ATP8B4: variants seen among roughly 807,000 people sequenced by gnomAD.
ATP8B4 encodes the protein ATPase phospholipid transporting 8B4 (putative).
ATP8B4 carries 133 observed loss-of-function variants against 145.6 expected under a neutral mutation model. The ratio of observed to expected loss-of-function variants is 0.91; its 90% CI spans 0.79 to 1.05. The LOEUF (loss-of-function observed/expected upper bound fraction) is 1.05. Among genes scored for constraint, ATP8B4 ranks in the 50% least tolerant of loss-of-function variants. ATP8B4 has a pLI of 0.00. For missense variants in ATP8B4, 1,458 were observed against 1,425.2 expected, an observed-to-expected ratio of 1.02 and a Z score of -0.37; for synonymous variants, 507 against 492.9, an observed-to-expected ratio of 1.03 and a Z score of -0.38.
chr15:50,162,478 T>C (rs1410061096), intron 1 of ATP8B4, among the ~76,000 whole-genome samples: 2 of 151,886 alleles, frequency 1.3e-5, no homozygotes, highest in Non-Finnish European at 2.9e-5. Context: ...GAGGCTATTT[T>C]CTATATCTTA....
At chr15:50,025,296 T>C (rs1019349472) in intron 6 of ATP8B4, among the ~76,000 whole-genome samples, 1 of 152,192 alleles carries the variant, frequency 6.6e-6, no homozygotes, top group African/African-American at 2.4e-5. Flanking sequence ...ACACAATCTC[T>C]CTGTTATGAG....
rs2052650831 is a variant in ATP8B4, at chr15:50,056,914, CAG to C, written c.88-9452_88-9451del. On this transcript the variant is annotated intron_variant, in intron 3 of 27. Coordinates refer to ENST00000284509, the MANE Select transcript of ATP8B4 (RefSeq NM_024837.4). Reference sequence around the variant, plus strand: ...TTTATTTTTTTATTTTTTATTGAGACAGAGTCTCGCTATGTTGCCCAGGCTGA... The same window carrying C: ...TTTATTTTTTTATTTTTTATTGAGACAGTCTCGCTATGTTGCCCAGGCTGA... Among the ~76,000 whole-genome samples, 19 of 151,952 alleles carry C rather than the reference CAG, an allele frequency of 1.3e-4. No individual in the cohort carries two copies. In the South Asian group the frequency reaches 3.5e-3, roughly 28 times the overall value.
intron 1 of ATP8B4, among the ~76,000 whole-genome samples, chr15:50,136,862 C>T (rs779068961): frequency 6.6e-6 from 1 of 152,140 alleles, no homozygotes; most frequent in Admixed American, 6.6e-5. Context: ...GGTACTACCT[C>T]ATTAAGCTGT....
At chr15:50,147,521 C>T (rs1463627337) in intron 1 of ATP8B4, among the ~76,000 whole-genome samples, 3 of 151,978 alleles carry the variant, frequency 2.0e-5, no homozygotes, top group Non-Finnish European at 4.4e-5. Flanking sequence ...TGCACCCTGG[C>T]TTCCATGTCT....
intron 12 of ATP8B4, among the ~76,000 whole-genome samples, chr15:49,976,155 T>A (rs1200068039): frequency 6.6e-6 from 1 of 152,162 alleles, no homozygotes; most frequent in African/African-American, 2.4e-5. Context: ...ACACTGTGAC[T>A]ATGTAGAGTA....
chr15:49,930,472 A>G (rs922724934), intron 16 of ATP8B4, among the ~76,000 whole-genome samples: 4 of 152,244 alleles, frequency 2.6e-5, no homozygotes, highest in Middle Eastern at 3.4e-3. Flanking sequence ...GCATTGAGTC[A>G]GGAAAGCACA....
intron 12 of ATP8B4, among the ~76,000 whole-genome samples, chr15:49,976,543 G>C (rs1372759613): frequency 1.3e-5 from 2 of 151,990 alleles, no homozygotes; most frequent in Non-Finnish European, 2.9e-5. Context: ...GTGCAGAACA[G>C]GCCTTAAGAA....
intron 20 of ATP8B4, among the ~76,000 whole-genome samples, chr15:49,915,257 T>C (rs80332136): frequency 6.6e-6 from 1 of 152,054 alleles, no homozygotes; most frequent in Non-Finnish European, 1.5e-5. Context: ...ACTAAAAAAG[T>C]TGATCTCATA....
chr15:49,889,623 C>T (rs2036581894), intron 23 of ATP8B4, among the ~76,000 whole-genome samples: 2 of 152,198 alleles, frequency 1.3e-5, no homozygotes, highest in African/African-American at 2.4e-5. Flanking sequence ...AAGCCTTGCA[C>T]ACCACAGCTG....
chr15:50,157,960 T>C (rs1595656660), intron 1 of ATP8B4, among the ~76,000 whole-genome samples: 4 of 152,320 alleles, frequency 2.6e-5, no homozygotes, highest in South Asian at 2.1e-4. Flanking sequence ...TTTCGCTGTG[T>C]TGGCTGGGCT....
At chr15:50,123,672 G>A (rs1420802228), upstream of ATP8B4, among the ~76,000 whole-genome samples, 1 of 152,102 alleles carries the variant, frequency 6.6e-6, no homozygotes, top group Non-Finnish European at 1.5e-5. Context: ...CTCCCATACA[G>A]CTGCCTCTGT....
chr15:50,054,935 A>C (rs974674467), intron 3 of ATP8B4, among the ~76,000 whole-genome samples: 3 of 152,100 alleles, frequency 2.0e-5, no homozygotes, highest in Non-Finnish European at 4.4e-5. Flanking sequence ...AGTTTCACGA[A>C]CTGGATAGAT....
intron 6 of ATP8B4, among the ~76,000 whole-genome samples, chr15:50,038,265 T>C (rs1218209639): frequency 1.3e-5 from 2 of 152,222 alleles, no homozygotes; most frequent in African/African-American, 4.8e-5. Context: ...CAAATACTTT[T>C]TCTTCATTGA....
At chr15:50,135,668 TG>T (rs1222220330) in intron 1 of ATP8B4, among the ~76,000 whole-genome samples, 1 of 152,208 alleles carries the variant, frequency 6.6e-6, no homozygotes, top group Non-Finnish European at 1.5e-5. Context: ...AACAAGGAAT[TG>T]GAGTCTACTT....
rs747930131 is a variant in ATP8B4, at chr15:50,038,796, G to A, written c.334C>T (p.Arg112Trp). ...CTGTTGATGAGCACTTCAGACTGCC[G>A]ATTATTCACTTGATTATCACTCTTG... ...RHKSDNQVNN[R>W]QSEVLINSKL... The change falls in exon 6 of 28, where the codon CGG becomes TGG. Residue 112 changes from arginine to tryptophan, a missense_variant. By Grantham distance (101) the Arg-to-Trp change is moderately radical (BLOSUM62 -3). Transcript: ENST00000284509. 28 of 1,613,382 alleles carry A rather than the reference G, an allele frequency of 1.7e-5. No homozygotes were observed. The highest frequency in any genetic ancestry group is 1.7e-4 in the Admixed American group (10 of 59,982).
intron 1 of ATP8B4, among the ~76,000 whole-genome samples, chr15:50,144,386 A>G (rs183992527): frequency 3.1e-4 from 47 of 152,356 alleles, no homozygotes; most frequent in African/African-American, 1.1e-3. Context: ...TTGTAAAGAA[A>G]AGAGGTTTGA....
At chr15:49,899,394 T>G (rs2037774071) in intron 21 of ATP8B4, among the ~76,000 whole-genome samples, 1 of 152,194 alleles carries the variant, frequency 6.6e-6, no homozygotes, top group African/African-American at 2.4e-5. Flanking sequence ...ACGAGAGCCA[T>G]GTTCTATTCA....
chr15:49,974,209 A>G (rs890028283), intron 12 of ATP8B4, among the ~76,000 whole-genome samples: 8 of 151,096 alleles, frequency 5.3e-5, no homozygotes, highest in African/African-American at 1.9e-4. Context: ...CAGCCTCCCG[A>G]GTAGCTGGGA....
intron 1 of ATP8B4, among the ~76,000 whole-genome samples, chr15:50,142,016 T>G (rs1567404586): frequency 6.6e-6 from 1 of 152,142 alleles, no homozygotes; most frequent in African/African-American, 2.4e-5. Flanking sequence ...ATACGAGTTT[T>G]TCCTAAAATG....
Sources: gnomAD v4.1 joint callset for allele counts (sites outside exome capture counted in the v4.1 genomes callset) on GRCh38, gnomAD v4.1.1 for gene constraint, MANE v1.5 for transcripts, NCBI Gene and HGNC (gene_info 2026-07-23, HGNC 2026-07-21) for gene names.